The following TACC2 variants were observed in gnomAD, a reference collection of about 807,000 sequenced individuals.
TACC2 encodes transforming acidic coiled-coil containing protein 2, also known as transforming acidic coiled-coil-containing protein 2.
In TACC2, 137 loss-of-function variants were observed where a neutral mutation model predicts 227.3. The ratio of observed to expected loss-of-function variants is 0.60; its 90% CI spans 0.52 to 0.69. The LOEUF (loss-of-function observed/expected upper bound fraction) is 0.69. Ranked by LOEUF, TACC2 falls within the 30% of genes least tolerant of loss-of-function variation. The probability of loss-of-function intolerance (pLI) is 0.00; values close to 1 mark genes in which losing one functional copy is unlikely to be tolerated. For synonymous variants in TACC2, 1,523 were observed against 1,487.5 expected (o/e 1.02, Z -0.55); for missense variants, 3,470 against 3,694.4 (o/e 0.94, Z 1.57).
intron 5 of TACC2, among the ~76,000 whole-genome samples, chr10:122,116,563 C>G (rs1028207663): frequency 6.6e-6 from 1 of 152,228 alleles, no homozygotes; most frequent in African/African-American, 2.4e-5. Flanking sequence ...CCGCTTATCC[C>G]TGCCCACCTG....
At chr10:121,990,909 C>T (rs1953003377) in intron 1 of TACC2, among the ~76,000 whole-genome samples, 2 of 152,018 alleles carry the variant, frequency 1.3e-5, no homozygotes, top group African/African-American at 2.4e-5. Flanking sequence ...TGCCTCAGCC[C>T]CCTGAGTAGC....
chr10:122,071,975 ACT>A (rs1422866902), intron 3 of TACC2, among the ~76,000 whole-genome samples: 5 of 130,644 alleles, frequency 3.8e-5, no homozygotes, highest in Non-Finnish European at 8.0e-5. Context: ...CTCCCCAATA[ACT>A]CTTTTTTTTT....
chr10:122,193,911 C>T (rs760523891), intron 7 of TACC2, among the ~76,000 whole-genome samples: 5 of 151,914 alleles, frequency 3.3e-5, no homozygotes, highest in Admixed American at 1.3e-4. Context: ...GTTGGTTCTT[C>T]GTTTTCTTCT....
intron 6 of TACC2, 41 bp downstream of exon 6, chr10:122,132,775 C>G: frequency 6.2e-7 from 1 of 1,608,070 alleles, no homozygotes; most frequent in South Asian, 1.1e-5. Context: ...GACCTCAGGG[C>G]CCAATCCTTG....
chr10:122,105,940 C>CTGTGTGTGTG (rs1336236763), intron 5 of TACC2, among the ~76,000 whole-genome samples: 1 of 79,730 alleles, frequency 1.3e-5, no homozygotes, highest in Admixed American at 1.3e-4. Flanking sequence ...AACATTTTCT[C>CTGTGTGTGTG]TCTCTGTGTG....
intron 5 of TACC2, among the ~76,000 whole-genome samples, chr10:122,096,574 T>C (rs2081443326): frequency 1.3e-5 from 2 of 151,828 alleles, no homozygotes; most frequent in Admixed American, 1.3e-4. Flanking sequence ...TGCATGCCTA[T>C]AATCCCAGCT....
Position 122,084,174 on chromosome 10 carries a change from T to G in TACC2, c.1674T>G (p.Asp558Glu), listed in dbSNP as rs1200409000. Residue 558 changes from aspartate (D) to glutamate (E), a missense_variant, in exon 4 of 23, where the codon GAT becomes GAG. Physicochemically the swap from Asp to Glu is conservative, Grantham distance 45. This residue lies in a region of TACC2 where 1,924 missense variants were observed against 1,978.3 expected (regional missense o/e 0.97). Coordinates refer to ENST00000369005, the MANE Select transcript of TACC2 (RefSeq NM_206862.4). ...GPTDGAKVHE[D>E]STSPAVAKEG... is the part of the protein sequence containing the mutation. ...CGGATGGAGCCAAGGTCCATGAAGA[T>G]TCCACAAGCCCAGCCGTGGCTAAAG... 6.2e-7 allele frequency: 1 copy of G among 1,613,998 alleles called. No homozygotes were observed. Among genetic ancestry groups the G allele is most frequent in the Non-Finnish European group, 8.5e-7 (1 of 1,180,030 alleles).
At chr10:122,163,958 G>A (rs1369692139) in intron 7 of TACC2, 1 of 1,589,376 alleles carries the variant, frequency 6.3e-7, no homozygotes, top group African/African-American at 1.3e-5. Context: ...GCCAGCCCCA[G>A]CCAGCGACCT....
intron 1 of TACC2, among the ~76,000 whole-genome samples, chr10:121,991,358 TG>T (rs1342479296): frequency 6.6e-6 from 1 of 152,244 alleles, no homozygotes; most frequent in Non-Finnish European, 1.5e-5. Context: ...GGAAATGTTT[TG>T]TTTTCTTTGC....
chr10:122,000,686 A>G (rs1265600609), intron 1 of TACC2, among the ~76,000 whole-genome samples: 2 of 152,170 alleles, frequency 1.3e-5, no homozygotes, highest in Non-Finnish European at 2.9e-5. Flanking sequence ...TGTACCCATT[A>G]CTGGTTTCTA....
At chr10:122,056,769 C>T (rs1457066689) in intron 3 of TACC2, among the ~76,000 whole-genome samples, 2 of 152,102 alleles carry the variant, frequency 1.3e-5, no homozygotes, top group African/African-American at 2.4e-5. Context: ...CAGGTGGTGA[C>T]GTTCACTGAA....
chr10:122,123,334 C>T (rs2086209167), intron 5 of TACC2, among the ~76,000 whole-genome samples: 1 of 152,146 alleles, frequency 6.6e-6, no homozygotes, highest in Non-Finnish European at 1.5e-5. Context: ...ACTCACCTGG[C>T]CCCACTCCAT....
At position 122,087,171 on chromosome 10, in the gene TACC2, T is replaced by A; in HGVS notation, c.4671T>A (p.Ala1557=). The change falls in exon 4 of 23, where the codon GCT becomes GCA. Residue 1557 remains alanine (A), a synonymous_variant. Coordinates refer to ENST00000369005, the MANE Select transcript of TACC2 (RefSeq NM_206862.4). The part of the protein sequence containing the change: ...SQLERSRQEL[A]SGLPSPAATQ... ...TGGAGAGGAGCAGGCAGGAATTAGC[T>A]TCAGGTCTTCCTTCACCAGCAGCTA... The A allele has an allele frequency of 6.2e-7, 1 of 1,611,362 alleles. No homozygotes were observed. Among genetic ancestry groups the A allele is most frequent in the Non-Finnish European group, 8.5e-7 (1 of 1,179,142 alleles).
chr10:122,066,393 TG>T (rs1181444755), intron 3 of TACC2, among the ~76,000 whole-genome samples: 1 of 151,884 alleles, frequency 6.6e-6, no homozygotes, highest in African/African-American at 2.4e-5. Context: ...CTCAGCCTCC[TG>T]AGTAGCTGGG....
At chr10:122,112,641 GGCCGGTA>G (rs1179929328) in intron 5 of TACC2, among the ~76,000 whole-genome samples, 7 of 14,750 alleles carry the variant, frequency 4.7e-4, no homozygotes, top group African/African-American at 6.0e-4. Context: ...CGGGCCGCCT[GGCCGGTA>G]CTTGACCTTC....
chr10:122,192,248 C>T (rs1334870161), intron 7 of TACC2, among the ~76,000 whole-genome samples: 2 of 152,164 alleles, frequency 1.3e-5, no homozygotes, highest in Non-Finnish European at 2.9e-5. Context: ...GTGCCCTGGC[C>T]CACCCCATGC....
chr10:122,099,851 G>A (rs1489560638), intron 5 of TACC2, among the ~76,000 whole-genome samples: 2 of 152,202 alleles, frequency 1.3e-5, no homozygotes, highest in African/African-American at 4.8e-5. Context: ...GAACTACCAG[G>A]CTTCTGTTGA....
At chr10:122,076,816 A>C (rs2078862904) in intron 3 of TACC2, among the ~76,000 whole-genome samples, 1 of 152,070 alleles carries the variant, frequency 6.6e-6, no homozygotes. Flanking sequence ...ATGGAAGAAA[A>C]GAATGTTCAT....
intron 11 of TACC2, among the ~76,000 whole-genome samples, chr10:122,223,039 C>T (rs981023606): frequency 3.6e-5 from 4 of 112,010 alleles, no homozygotes; most frequent in African/African-American, 1.2e-4. Context: ...TCCTCCTCCT[C>T]TCTCTCTCTC....
Sources: gnomAD v4.1 joint callset for allele counts (sites outside exome capture counted in the v4.1 genomes callset) on GRCh38, gnomAD v4.1.1 for gene constraint, gnomAD v4.1.1 regional missense constraint, MANE v1.5 for transcripts, NCBI Gene and HGNC (gene_info 2026-07-23, HGNC 2026-07-21) for gene names.